The following ADD3 variants were observed in gnomAD, a reference collection of about 807,000 sequenced individuals.
ADD3 encodes the protein adducin 3, also known as gamma-adducin.
ADD3 carries 25 observed loss-of-function variants against 80.2 expected under a neutral mutation model. The ratio of observed to expected loss-of-function variants is 0.31; its 90% CI spans 0.23 to 0.44. The LOEUF (loss-of-function observed/expected upper bound fraction) is 0.44, where lower values mean the gene tolerates loss of function less well. ADD3 is among the 20% of genes least tolerant of loss of function. The pLI, the probability that ADD3 is intolerant of heterozygous loss-of-function variation, is 1.00. For missense variants in ADD3, 829 were observed against 847.5 expected (o/e 0.98, Z 0.27); for synonymous variants, 284 against 289.6 (o/e 0.98, Z 0.20).
intron 1 of ADD3, among the ~76,000 whole-genome samples, chr10:109,999,520 G>A (rs896119756): frequency 6.6e-6 from 1 of 152,034 alleles, no homozygotes; most frequent in Non-Finnish European, 1.5e-5. Context: ...CCCTGACTCT[G>A]GTATATTATA....
chr10:110,065,618 C>T (rs1466698230), intron 1 of ADD3, among the ~76,000 whole-genome samples: 2 of 139,902 alleles, frequency 1.4e-5, no homozygotes, highest in African/African-American at 5.3e-5. Flanking sequence ...TGGCTCACTG[C>T]ACCCTCCGCC....
At chr10:110,041,647 T>C (rs1484174152) in intron 1 of ADD3, among the ~76,000 whole-genome samples, 1 of 152,210 alleles carries the variant, frequency 6.6e-6, no homozygotes, top group African/African-American at 2.4e-5. Flanking sequence ...TTTCCACTGC[T>C]CTGGTTCTCT....
At chr10:110,102,899 G>A (rs1008866277) in intron 2 of ADD3, among the ~76,000 whole-genome samples, 6 of 152,072 alleles carry the variant, frequency 3.9e-5, no homozygotes, top group Non-Finnish European at 8.8e-5. Flanking sequence ...TTGTAAATTG[G>A]CTTAAAAGTA....
chr10:110,111,099 A>G (rs1564997032), intron 2 of ADD3, among the ~76,000 whole-genome samples: 1 of 152,334 alleles, frequency 6.6e-6, no homozygotes, highest in East Asian at 1.9e-4. Flanking sequence ...GACCACTGTC[A>G]GTGACTCAAA....
rs541545532 is a variant in ADD3 at position 110,051,893 on chromosome 10, C to T, written c.-30+43594C>T. 3.9e-5 allele frequency among the ~76,000 whole-genome samples: 6 copies of T among 152,338 alleles called. No homozygotes were observed. In the South Asian group the frequency reaches 1.2e-3, roughly 32 times the overall value. The stretch of plus-strand genomic sequence containing the variant: ...ACATGGCTCACTGCAGCCTCAACCT[C>T]CTGGGTTCAAGCGATCCTCCAACCC... On this transcript the variant is annotated intron_variant, in intron 1 of 14. Transcript: ENST00000356080.
intron 1 of ADD3, among the ~76,000 whole-genome samples, chr10:110,062,668 T>G (rs956347422): frequency 3.9e-5 from 6 of 152,226 alleles, no homozygotes; most frequent in Non-Finnish European, 8.8e-5. Flanking sequence ...GTAACCGATT[T>G]TAATAAATTA....
intron 1 of ADD3, among the ~76,000 whole-genome samples, chr10:110,034,336 T>G (rs1855396364): frequency 6.6e-6 from 1 of 152,126 alleles, no homozygotes; most frequent in South Asian, 2.1e-4. Context: ...TTGACATATA[T>G]CTTGGGACAT....
chr10:110,070,077 C>G (rs1157983085), intron 1 of ADD3, among the ~76,000 whole-genome samples: 1 of 151,930 alleles, frequency 6.6e-6, no homozygotes, highest in Non-Finnish European at 1.5e-5. Context: ...TTTTTTTAAT[C>G]TTTTTCCTCT....
At chr10:110,066,707 A>G (rs565697525) in intron 1 of ADD3, among the ~76,000 whole-genome samples, 35 of 152,256 alleles carry the variant, frequency 2.3e-4, no homozygotes, top group African/African-American at 7.7e-4. Context: ...ATAGCCCACA[A>G]TTTGTGAGTA....
At chr10:110,098,754 C>A (rs377270521) in intron 1 of ADD3, among the ~76,000 whole-genome samples, 1 of 151,948 alleles carries the variant, frequency 6.6e-6, no homozygotes, top group Admixed American at 6.6e-5. Flanking sequence ...CTCAGCCTCC[C>A]GAGTAGCTGT....
At chr10:110,122,699 G>A (rs1851668690) in intron 9 of ADD3, among the ~76,000 whole-genome samples, 1 of 149,246 alleles carries the variant, frequency 6.7e-6, no homozygotes, top group South Asian at 2.1e-4. Context: ...GGGCTCACTT[G>A]CAGTCTCAAC....
chr10:110,035,856 C>T (rs7082078), intron 1 of ADD3, among the ~76,000 whole-genome samples: 18,930 of 152,074 alleles, frequency 0.12, 3,767 homozygotes, highest in African/African-American at 0.42. Flanking sequence ...CTGTCCCCAT[C>T]GAAGCCTATC....
chr10:110,083,053 A>G (rs1293984423), intron 1 of ADD3, among the ~76,000 whole-genome samples: 3 of 152,272 alleles, frequency 2.0e-5, no homozygotes, highest in South Asian at 4.1e-4. Flanking sequence ...TTATTGAGTA[A>G]CTCTAAGTGG....
chr10:110,117,823 G>A (rs540342598), intron 5 of ADD3, among the ~76,000 whole-genome samples: 40 of 152,194 alleles, frequency 2.6e-4, no homozygotes, highest in African/African-American at 7.7e-4. Context: ...AGACCAGCCT[G>A]ACCAACATGG....
At chr10:110,075,368 A>C (rs1052697664) in intron 1 of ADD3, among the ~76,000 whole-genome samples, 1 of 151,936 alleles carries the variant, frequency 6.6e-6, no homozygotes, top group Non-Finnish European at 1.5e-5. Context: ...ATGAAATAAT[A>C]CTGGCAAGTC....
chr10:110,010,853 T>A (rs1482159205), intron 1 of ADD3, among the ~76,000 whole-genome samples: 1 of 152,070 alleles, frequency 6.6e-6, no homozygotes, highest in Non-Finnish European at 1.5e-5. Flanking sequence ...CAGTGAGAGG[T>A]CTTCATAGTA....
chr10:110,035,167 T>C (rs1855493289), intron 1 of ADD3, among the ~76,000 whole-genome samples: 1 of 152,236 alleles, frequency 6.6e-6, no homozygotes. Flanking sequence ...AGGGATTCTT[T>C]CATATTGAAA....
intron 1 of ADD3, among the ~76,000 whole-genome samples, chr10:110,052,878 T>G (rs4918477): frequency 0.91 from 139,230 of 152,212 alleles, 63,842 homozygotes; most frequent in East Asian, 1. Flanking sequence ...CTTAGAGCTT[T>G]AAGAAACATT....
Position 110,118,655 on chromosome 10 carries a change from A to G in ADD3, c.636A>G (p.Gly212=), listed in dbSNP as rs753559492. The G allele has an allele frequency of 1.2e-6, 2 of 1,613,798 alleles. No individual in the cohort carries two copies. The highest frequency in any genetic ancestry group is 1.7e-4 in the Middle Eastern group (1 of 6,060). The part of the protein sequence containing the change: ...GSTNLKIDHT[G]FSPHAAIYST... ...CCAATTTGAAAATTGACCATACAGG[A>G]TTCAGTCCCCATGCTGCAATCTATT... Residue 212 remains glycine, a synonymous_variant, in exon 6 of 15, where the codon GGA becomes GGG. Transcript: ENST00000356080.
Sources: allele counts gnomAD v4.1 joint callset (sites outside exome capture counted in the v4.1 genomes callset), GRCh38; gene constraint gnomAD v4.1.1; transcripts MANE v1.5; gene names NCBI Gene and HGNC (gene_info 2026-07-23, HGNC 2026-07-21).